The following SHTN1 variants were observed in gnomAD, a reference collection of about 807,000 sequenced individuals.
SHTN1 encodes shootin 1, also known as shootin-1.
Under a neutral mutation model 83.1 loss-of-function variants are expected in SHTN1, and 42 were observed. That is an observed-to-expected ratio of 0.51 (90% CI 0.39 to 0.65). The LOEUF (loss-of-function observed/expected upper bound fraction) is 0.65, where lower values mean the gene tolerates loss of function less well. SHTN1 is among the 30% of genes least tolerant of loss of function. The pLI, the probability that SHTN1 is intolerant of heterozygous loss-of-function variation, is 0.00. For synonymous variants in SHTN1, 224 were observed against 247.7 expected, an observed-to-expected ratio of 0.90 and a Z score of 0.90; for missense variants, 622 against 737.8, an observed-to-expected ratio of 0.84 and a Z score of 1.82.
chr10:117,004,435 G>A (rs1227991041), intron 1 of SHTN1, among the ~76,000 whole-genome samples: 1 of 152,036 alleles, frequency 6.6e-6, no homozygotes, highest in Non-Finnish European at 1.5e-5. Context: ...TGTTAATTCT[G>A]AAAGCTCAAC....
chr10:117,090,439 A>G (rs1853413041), intron 1 of SHTN1, among the ~76,000 whole-genome samples: 1 of 152,206 alleles, frequency 6.6e-6, no homozygotes, highest in South Asian at 2.1e-4. Context: ...TAACAGGTAC[A>G]GAGCTTCAGT....
intron 1 of SHTN1, among the ~76,000 whole-genome samples, chr10:117,103,374 A>G (rs1374804750): frequency 6.6e-6 from 1 of 151,958 alleles, no homozygotes; most frequent in African/African-American, 2.4e-5. Context: ...TACAGGCATG[A>G]GCCACCACAC....
chr10:116,952,827 T>A (rs533345528), intron 5 of SHTN1, among the ~76,000 whole-genome samples: 18 of 152,356 alleles, frequency 1.2e-4, no homozygotes, highest in African/African-American at 3.8e-4. Flanking sequence ...TGGTTATTTG[T>A]AAATTAAATC....
intron 16 of SHTN1, among the ~76,000 whole-genome samples, chr10:116,894,639 C>A (rs533834692): frequency 6.6e-6 from 1 of 152,136 alleles, no homozygotes; most frequent in African/African-American, 2.4e-5. Flanking sequence ...AGTTCCCTTT[C>A]GAAGGGCTTC....
intron 2 of SHTN1, among the ~76,000 whole-genome samples, chr10:117,038,607 C>A (rs1368153126): frequency 2.0e-5 from 3 of 151,418 alleles, no homozygotes; most frequent in Non-Finnish European, 1.5e-5. Context: ...GGCTGTTATC[C>A]AAAATATACA....
At chr10:116,934,634 T>C (rs900977516) in intron 9 of SHTN1, among the ~76,000 whole-genome samples, 2 of 152,160 alleles carry the variant, frequency 1.3e-5, no homozygotes, top group Admixed American at 6.5e-5. Flanking sequence ...TTGCTTTGGA[T>C]TGTCTTGGCA....
chr10:117,077,981 CGAA>C lies in SHTN1; in HGVS notation c.-188-29474_-188-29472del, dbSNP rs530862011. On this transcript the variant is annotated intron_variant, in intron 1 of 17. Coordinates refer to the SHTN1 transcript ENST00000392901. Reference sequence around the variant, plus strand: ...CGCAACAATTTATTCTTACCTTAATCGAAGAAGGTCGACGATTAACAGCACAAA... The same window carrying C: ...CGCAACAATTTATTCTTACCTTAATCGAAGGTCGACGATTAACAGCACAAA... Among the ~76,000 whole-genome samples, 487 of 152,244 alleles carry C rather than the reference CGAA, an allele frequency of 3.2e-3. 1 individual carries two copies. Among genetic ancestry groups the C allele is most frequent in the African/African-American group, 0.011 (464 of 41,528 alleles).
chr10:117,053,895 T>A (rs764802898), intron 1 of SHTN1, among the ~76,000 whole-genome samples: 3 of 152,174 alleles, frequency 2.0e-5, no homozygotes, highest in South Asian at 4.1e-4. Flanking sequence ...ATACATATAA[T>A]AGAATATTAT....
intron 1 of SHTN1, among the ~76,000 whole-genome samples, chr10:117,109,215 A>T (rs1853723782): frequency 6.6e-6 from 1 of 152,210 alleles, no homozygotes; most frequent in Non-Finnish European, 1.5e-5. Flanking sequence ...CACAGGCTTC[A>T]GACTTCTGAA....
At chr10:116,945,165 C>G (rs926976740) in intron 7 of SHTN1, 147 bp from the exon 8 acceptor site, 1 of 604,174 alleles carries the variant, frequency 1.7e-6, no homozygotes, top group Non-Finnish European at 2.9e-6. Context: ...ACTGATAAAA[C>G]CTTTTTGGAG....
At chr10:116,937,475 T>C (rs528252094) in intron 9 of SHTN1, among the ~76,000 whole-genome samples, 1 of 152,200 alleles carries the variant, frequency 6.6e-6, no homozygotes, top group Non-Finnish European at 1.5e-5. Context: ...TCTTTAAGAA[T>C]GTTGAATATT....
intron 9 of SHTN1, among the ~76,000 whole-genome samples, chr10:116,939,042 A>T (rs1224253313): frequency 6.6e-6 from 1 of 152,138 alleles, no homozygotes; most frequent in East Asian, 1.9e-4. Flanking sequence ...TCCCAGGTTG[A>T]CCTCAGACTG....
At chr10:116,892,544 T>C (rs4262647) in intron 16 of SHTN1, among the ~76,000 whole-genome samples, 1 of 152,216 alleles carries the variant, frequency 6.6e-6, no homozygotes, top group Admixed American at 6.5e-5. Flanking sequence ...ATATATAACA[T>C]TGGTTCCTTA....
At chr10:117,089,933 T>C (rs1853404448) in intron 1 of SHTN1, among the ~76,000 whole-genome samples, 1 of 152,016 alleles carries the variant, frequency 6.6e-6, no homozygotes, top group Non-Finnish European at 1.5e-5. Context: ...ACAACATATG[T>C]TGGTGAGGAT....
chr10:117,055,929 AT>A (rs1259199423), intron 1 of SHTN1, among the ~76,000 whole-genome samples: 1 of 152,156 alleles, frequency 6.6e-6, no homozygotes, highest in Non-Finnish European at 1.5e-5. Flanking sequence ...TTTTACTGTA[AT>A]TTTTTAAGCC....
chr10:116,988,106 G>A (rs773053462), intron 1 of SHTN1, among the ~76,000 whole-genome samples: 3 of 152,012 alleles, frequency 2.0e-5, no homozygotes, highest in Non-Finnish European at 4.4e-5. Context: ...TGTAAATTAT[G>A]GATTTTAGTT....
chr10:117,122,730 CTACTATG>C (rs759300592), intron 1 of SHTN1, among the ~76,000 whole-genome samples: 22 of 152,188 alleles, frequency 1.4e-4, no homozygotes, highest in Non-Finnish European at 2.6e-4. Flanking sequence ...GTTAAATTGT[CTACTATG>C]TACCAATCTA....
chr10:116,894,485 G>A (rs1040451813), intron 16 of SHTN1, among the ~76,000 whole-genome samples: 36 of 152,092 alleles, frequency 2.4e-4, no homozygotes. Flanking sequence ...GGGGACCCTG[G>A]GGTGAAGAGA....
At position 116,963,504 on chromosome 10, in the gene SHTN1, G is replaced by A. The variant is rs182903375; in HGVS notation, c.173-3274C>T. On this transcript the variant is annotated intron_variant, in intron 3 of 16. Coordinates refer to ENST00000355371, the MANE Select transcript of SHTN1 (RefSeq NM_001127211.3). ...ATATTTGCATATTTGGATGACATGA[G>A]GTTTAAAAAAGAAAAAAGATGAACT... 6.3e-3 allele frequency among the ~76,000 whole-genome samples: 960 copies of A among 152,114 alleles called. 1 individual carries two copies. Among genetic ancestry groups the A allele is most frequent in the Middle Eastern group, 0.031 (9 of 294 alleles).
Sources: allele counts gnomAD v4.1 joint callset (sites outside exome capture counted in the v4.1 genomes callset), GRCh38; gene constraint gnomAD v4.1.1; transcripts MANE v1.5; gene names NCBI Gene and HGNC (gene_info 2026-07-23, HGNC 2026-07-21).